The following GRIA1 variants were observed in gnomAD, a reference collection of about 807,000 sequenced individuals.
The protein encoded by GRIA1 is glutamate ionotropic receptor AMPA type subunit 1.
A neutral mutation model predicts 99.2 loss-of-function variants in GRIA1; 31 were observed. The ratio of observed to expected loss-of-function variants is 0.31; its 90% CI spans 0.23 to 0.42. The LOEUF (loss-of-function observed/expected upper bound fraction) is 0.42. Ranked by LOEUF, GRIA1 falls within the 10% of genes least tolerant of loss-of-function variation. GRIA1 has a pLI of 1.00. For synonymous variants in GRIA1, 438 were observed against 432.4 expected (o/e 1.01, Z -0.16); for missense variants, 782 against 1,157.5 (o/e 0.68, Z 4.71).
intron 11 of GRIA1, among the ~76,000 whole-genome samples, chr5:153,724,186 C>T (rs1760317892): frequency 6.6e-6 from 1 of 152,144 alleles, no homozygotes. Flanking sequence ...GCTGAGGGTC[C>T]TGTCTCTTAG....
In GRIA1 at chr5:153,804,724, A is replaced by T. The variant is rs144824209; in HGVS notation, c.2520+2234A>T. The stretch of plus-strand genomic sequence containing the variant: ...ACTCTCTGATCCTTATTAATTAATT[A>T]ATTAATTAATTTATTTATTTATTTA... On this transcript the variant is annotated intron_variant, in intron 15 of 15. Transcript: ENST00000285900. 6.4e-3 allele frequency among the ~76,000 whole-genome samples: 499 copies of T among 78,486 alleles called. 3 individuals are homozygous for T. The highest frequency in any genetic ancestry group is 8.5e-3 in the East Asian group (8 of 944). The allele number at this position is 78,486 out of a possible 152,430, so 51.5% of individuals were successfully genotyped here. A position where few individuals can be genotyped will look rare whatever the true frequency, so the allele number is the denominator to read the frequency against.
chr5:153,550,637 T>C (rs1287638797), intron 2 of GRIA1, among the ~76,000 whole-genome samples: 3 of 152,182 alleles, frequency 2.0e-5, no homozygotes, highest in Non-Finnish European at 4.4e-5. Context: ...TAGAAAAAGC[T>C]TAGCATCTTC....
chr5:153,732,925 CTT>C (rs1288005494), intron 11 of GRIA1, among the ~76,000 whole-genome samples: 2 of 127,302 alleles, frequency 1.6e-5, no homozygotes, highest in Admixed American at 7.9e-5. Context: ...AGTTAAATTT[CTT>C]TTTTTTTTTT....
chr5:153,550,370 G>A (rs896199717), intron 2 of GRIA1, among the ~76,000 whole-genome samples: 3 of 151,802 alleles, frequency 2.0e-5, no homozygotes, highest in Admixed American at 2.0e-4. Flanking sequence ...CAGGCATTGG[G>A]GTGGGCTTTA....
rs114679338 is a variant in GRIA1 at position 153,668,879 on chromosome 5, G to T, written c.700-5621G>T. On this transcript the variant is annotated intron_variant, in intron 5 of 15. Coordinates refer to ENST00000285900, the MANE Select transcript of GRIA1 (RefSeq NM_000827.4). ...TTAACTGTGCCAGCCACAGTCTGAG[G>T]TTCATTGTCCCTCTTTGTCTGGAGC... is the stretch of plus-strand genomic sequence containing the variant. 4.0e-3 allele frequency among the ~76,000 whole-genome samples: 606 copies of T among 152,322 alleles called. 3 individuals carry two copies. Among genetic ancestry groups the T allele is most frequent in the Middle Eastern group, 0.01 (3 of 294 alleles).
intron 8 of GRIA1, among the ~76,000 whole-genome samples, chr5:153,689,772 C>T (rs890746832): frequency 5.9e-5 from 9 of 152,176 alleles, no homozygotes; most frequent in African/African-American, 1.9e-4. Flanking sequence ...CCTCTCCCTA[C>T]TCACATTGTT....
rs115225007 is a variant in GRIA1, at chr5:153,502,732, G to A, written c.220+8667G>A. Among the ~76,000 whole-genome samples, 1,471 of 152,272 alleles carry A rather than the reference G, an allele frequency of 9.7e-3. 28 individuals carry two copies. The highest frequency in any genetic ancestry group is 0.034 in the African/African-American group (1,400 of 41,542). On this transcript the variant is annotated intron_variant, in intron 2 of 15. Transcript: ENST00000285900. ...AAAACTGGGGCAAATGAGGCAGTTGGAGGCTAATGAAATTGATACCCTATG... is the reference window on the plus strand; with the variant it reads ...AAAACTGGGGCAAATGAGGCAGTTGAAGGCTAATGAAATTGATACCCTATG...
At chr5:153,523,640 T>C (rs1468071894) in intron 2 of GRIA1, among the ~76,000 whole-genome samples, 1 of 152,192 alleles carries the variant, frequency 6.6e-6, no homozygotes, top group Non-Finnish European at 1.5e-5. Flanking sequence ...AGGTCAGCCA[T>C]GTTCTCGAGC....
At chr5:153,686,447 A>G in intron 8 of GRIA1, 118 bp downstream of exon 8, 1 of 670,626 alleles carries the variant, frequency 1.5e-6, no homozygotes, top group Non-Finnish European at 2.5e-6. Context: ...AAACTCAGAC[A>G]ACACAGATTC....
chr5:153,795,482 C>T (rs759125376), intron 14 of GRIA1: 17 of 1,588,410 alleles, frequency 1.1e-5, no homozygotes, highest in Middle Eastern at 1.7e-4. Flanking sequence ...GAAGAGGTCC[C>T]GTAAACCTAG....
At chr5:153,616,805 T>A (rs1766550169) in intron 2 of GRIA1, among the ~76,000 whole-genome samples, 1 of 152,238 alleles carries the variant, frequency 6.6e-6, no homozygotes, top group Admixed American at 6.5e-5. Context: ...GCCATGTGGC[T>A]ATTAAGATAT....
At position 153,490,737 on chromosome 5, in the gene GRIA1, A is replaced by T. The variant is rs993292689; in HGVS notation, c.-152A>T. The T allele has an allele frequency of 1.7e-5, 12 of 723,720 alleles. No homozygotes were observed. The African/African-American group carries it at 2.1e-4, about 13-fold the overall frequency. 44.8% of individuals were successfully genotyped at this position (723,720 alleles called of 1,614,324 possible). A position where few individuals can be genotyped will look rare whatever the true frequency, so the allele number is the denominator to read the frequency against. On this transcript the variant is annotated 5_prime_UTR_variant, in exon 1 of 16. Transcript: ENST00000285900. ...TGTTCGGATTCCAAGGGAAACAGACAAACCTCACGAAAGGAAGGAAGCAAG... is the reference window on the plus strand; with the variant it reads ...TGTTCGGATTCCAAGGGAAACAGACTAACCTCACGAAAGGAAGGAAGCAAG...
intron 13 of GRIA1, among the ~76,000 whole-genome samples, chr5:153,774,657 T>TG (rs1357466774): frequency 6.6e-6 from 1 of 152,178 alleles, no homozygotes; most frequent in Non-Finnish European, 1.5e-5. Context: ...ACTGTGCCTG[T>TG]GGGGCATTCA....
At chr5:153,578,503 T>C (rs1287689833) in intron 2 of GRIA1, among the ~76,000 whole-genome samples, 1 of 152,078 alleles carries the variant, frequency 6.6e-6, no homozygotes, top group African/African-American at 2.4e-5. Flanking sequence ...AAGTAACAGA[T>C]GAGGCAGTGC....
intron 13 of GRIA1, among the ~76,000 whole-genome samples, chr5:153,782,193 T>G (rs1764678056): frequency 6.6e-6 from 1 of 152,226 alleles, no homozygotes; most frequent in Non-Finnish European, 1.5e-5. Flanking sequence ...CTATTAATAA[T>G]CTCATTTTAC....
chr5:153,783,748 T>C lies in GRIA1; in HGVS notation c.2271-10873T>C, dbSNP rs1019673549. Among the ~76,000 whole-genome samples the C allele has an allele frequency of 1.3e-5, 2 of 152,260 alleles. 1 individual carries two copies. Among genetic ancestry groups the C allele is most frequent in the African/African-American group, 4.8e-5 (2 of 41,474 alleles). On this transcript the variant is annotated intron_variant, in intron 13 of 15. Transcript: ENST00000285900. ...AACATTTATGAAGCAGCTACTGTGT[T>C]AGCTATTGTGCAGTGTGCAGGGTTC... is the stretch of plus-strand genomic sequence containing the variant.
intron 13 of GRIA1, among the ~76,000 whole-genome samples, chr5:153,777,903 C>A (rs1764366137): frequency 6.6e-6 from 1 of 152,196 alleles, no homozygotes; most frequent in Admixed American, 6.5e-5. Flanking sequence ...AAATGACAGT[C>A]CCTTTCAATT....
intron 2 of GRIA1, among the ~76,000 whole-genome samples, chr5:153,533,294 G>A (rs1758250845): frequency 6.6e-6 from 1 of 151,906 alleles, no homozygotes; most frequent in African/African-American, 2.4e-5. Flanking sequence ...AAAGCACTGA[G>A]TTGCACAAAA....
At position 153,597,302 on chromosome 5, in the gene GRIA1, G is replaced by A. The variant is rs539856349; in HGVS notation, c.221-49626G>A. ...TTGGTTATTGAGACTTTCAGAGGCAGGATCTCTGAAGGTCTGTGCCATGGA... is the reference window on the plus strand; with the variant it reads ...TTGGTTATTGAGACTTTCAGAGGCAAGATCTCTGAAGGTCTGTGCCATGGA... On this transcript the variant is annotated intron_variant, in intron 2 of 15. Transcript: ENST00000285900. 3.3e-5 allele frequency among the ~76,000 whole-genome samples: 5 copies of A among 152,294 alleles called. No individual in the cohort carries two copies. The South Asian group carries it at 1.0e-3, about 32-fold the overall frequency.
Sources: allele counts gnomAD v4.1 joint callset (sites outside exome capture counted in the v4.1 genomes callset), GRCh38; gene constraint gnomAD v4.1.1; transcripts MANE v1.5; gene names NCBI Gene and HGNC (gene_info 2026-07-23, HGNC 2026-07-21).